Variants in GALNT13 observed in about 807,000 individuals in gnomAD.
The protein encoded by GALNT13 is polypeptide N-acetylgalactosaminyltransferase 13.
GALNT13 carries 28 observed loss-of-function variants against 64.2 expected under a neutral mutation model. The observed-to-expected ratio is 0.44, with a 90% confidence interval of 0.32 to 0.60. GALNT13 has a LOEUF of 0.60. GALNT13 is among the 20% of genes least tolerant of loss of function. GALNT13 has a pLI of 0.05. For synonymous variants in GALNT13, 214 were observed against 224.6 expected (o/e 0.95, Z 0.42); for missense variants, 577 against 669.8 (o/e 0.86, Z 1.53).
chr2:153,515,547 G>T, the GALNT13 span, among the ~76,000 whole-genome samples: 32 of 152,260 alleles, frequency 2.1e-4, no homozygotes, highest in African/African-American at 7.5e-4. Flanking sequence ...ATAAACTAAG[G>T]CAGCATCGGT....
chr2:154,404,944 T>G (rs1327431726), intron 10 of GALNT13, among the ~76,000 whole-genome samples: 1 of 151,238 alleles, frequency 6.6e-6, no homozygotes, highest in Non-Finnish European at 1.5e-5. Flanking sequence ...AAAATTGATC[T>G]TATGCAAAAA....
chr2:154,068,552 C>CT (rs1188001166), intron 3 of GALNT13, among the ~76,000 whole-genome samples: 1 of 151,896 alleles, frequency 6.6e-6, no homozygotes, highest in African/African-American at 2.4e-5. Flanking sequence ...GAGTGAGATC[C>CT]TTTCATTTGC....
chr2:153,775,008 CAT>C, the GALNT13 span, among the ~76,000 whole-genome samples: 1 of 152,202 alleles, frequency 6.6e-6, no homozygotes, highest in Non-Finnish European at 1.5e-5. Flanking sequence ...ACATCCCAAT[CAT>C]GTGTCATTAT....
At chr2:153,847,748 A>G in the GALNT13 span, among the ~76,000 whole-genome samples, 1 of 152,224 alleles carries the variant, frequency 6.6e-6, no homozygotes, top group Non-Finnish European at 1.5e-5. Context: ...GAAAACATGT[A>G]GAATGTTCTA....
chr2:154,081,834 A>G (rs1033743405), intron 3 of GALNT13, among the ~76,000 whole-genome samples: 1 of 151,800 alleles, frequency 6.6e-6, no homozygotes, highest in Non-Finnish European at 1.5e-5. Context: ...TTTAATGGAC[A>G]TTTGTGGTGA....
At chr2:154,157,756 T>C (rs1684505439) in intron 4 of GALNT13, among the ~76,000 whole-genome samples, 1 of 152,198 alleles carries the variant, frequency 6.6e-6, no homozygotes, top group Non-Finnish European at 1.5e-5. Flanking sequence ...GCAAAATTGC[T>C]ATTGCCGAGG....
At chr2:154,024,901 T>C (rs1314877581) in intron 3 of GALNT13, among the ~76,000 whole-genome samples, 1 of 152,220 alleles carries the variant, frequency 6.6e-6, no homozygotes, top group African/African-American at 2.4e-5. Flanking sequence ...TTGTTAGTTT[T>C]CCTTCTAACA....
the GALNT13 span, among the ~76,000 whole-genome samples, chr2:153,531,251 G>A: frequency 5.3e-5 from 8 of 152,308 alleles, no homozygotes; most frequent in African/African-American, 1.9e-4. Flanking sequence ...AAAGCATGAT[G>A]TTGGCTATCT....
chr2:153,662,011 T>C, the GALNT13 span, among the ~76,000 whole-genome samples: 3 of 152,324 alleles, frequency 2.0e-5, no homozygotes, highest in Middle Eastern at 3.4e-3. Context: ...GCATAGTAGA[T>C]GTAGATCGTG....
chr2:153,766,746 T>G, the GALNT13 span, among the ~76,000 whole-genome samples: 1 of 152,094 alleles, frequency 6.6e-6, no homozygotes, highest in African/African-American at 2.4e-5. Flanking sequence ...GTTCTCATTT[T>G]GTTCATTTAT....
chr2:153,147,573 A>C, the GALNT13 span, among the ~76,000 whole-genome samples: 62 of 150,090 alleles, frequency 4.1e-4, 4 homozygotes, highest in East Asian at 8.3e-3. Flanking sequence ...CTTCCCTAGA[A>C]GTTTTGAAAT....
the GALNT13 span, among the ~76,000 whole-genome samples, chr2:153,322,019 CTA>C: frequency 5.2e-5 from 7 of 135,768 alleles, no homozygotes; most frequent in Middle Eastern, 3.9e-3. Context: ...TACGGAAAAA[CTA>C]TGAATTTTTT....
chr2:153,942,048 A>G (rs1056626650), intron 2 of GALNT13, among the ~76,000 whole-genome samples: 7 of 152,226 alleles, frequency 4.6e-5, no homozygotes, highest in Non-Finnish European at 1.0e-4. Context: ...GGCTTTTATT[A>G]GGAAATGACT....
rs748739351 is a variant in GALNT13, at chr2:154,057,219, C to T, written c.143-83118C>T. 7.9e-5 allele frequency among the ~76,000 whole-genome samples: 12 copies of T among 151,944 alleles called. No homozygotes were observed. The East Asian group carries it at 9.7e-4, about 12-fold the overall frequency. On this transcript the variant is annotated intron_variant, in intron 3 of 12. Transcript: ENST00000392825. ...TAATTTTTTGTATTTTTAGTAGAGA[C>T]GGGGTTTCACCATGTTAGCCAGGAT...
At chr2:153,427,839 T>C in the GALNT13 span, among the ~76,000 whole-genome samples, 2 of 152,182 alleles carry the variant, frequency 1.3e-5, no homozygotes, top group Non-Finnish European at 2.9e-5. Flanking sequence ...TATATAGTTT[T>C]TTATTTCCTT....
At chr2:153,467,318 G>A in the GALNT13 span, among the ~76,000 whole-genome samples, 1 of 151,908 alleles carries the variant, frequency 6.6e-6, no homozygotes, top group African/African-American at 2.4e-5. Context: ...GCAGACTCTA[G>A]ATCTACCAAA....
At chr2:153,939,295 CTAGTAATTCGTA>C (rs751001829) in intron 2 of GALNT13, among the ~76,000 whole-genome samples, 38 of 152,068 alleles carry the variant, frequency 2.5e-4, no homozygotes, top group Non-Finnish European at 3.5e-4. Flanking sequence ...CTGAGGCAAG[CTAGTAATTCGTA>C]TATTTAAGGA....
intron 4 of GALNT13, among the ~76,000 whole-genome samples, chr2:154,197,369 G>T (rs1258181474): frequency 6.6e-6 from 1 of 152,028 alleles, no homozygotes; most frequent in Non-Finnish European, 1.5e-5. Context: ...AAACAAAGAA[G>T]CCCAAAGAAG....
intron 3 of GALNT13, among the ~76,000 whole-genome samples, chr2:154,032,499 A>G (rs1311919739): frequency 6.6e-6 from 1 of 152,168 alleles, no homozygotes. Flanking sequence ...ATGAATATAG[A>G]TACAAGAATC....
Sources: allele counts gnomAD v4.1 joint callset (sites outside exome capture counted in the v4.1 genomes callset), GRCh38; gene constraint gnomAD v4.1.1; transcripts MANE v1.5; gene names NCBI Gene and HGNC (gene_info 2026-07-23, HGNC 2026-07-21).